Variants in PIERCE2 observed in about 807,000 individuals in gnomAD.
The protein encoded by PIERCE2 is piercer of microtubule wall 2, also known as piercer of microtubule wall 2 protein.
the PIERCE2 span, among the ~76,000 whole-genome samples, chr15:55,409,154 C>A: frequency 6.6e-6 from 1 of 152,150 alleles, no homozygotes; most frequent in Non-Finnish European, 1.5e-5. Flanking sequence ...GCCTGTAATC[C>A]CAGCAATTTG....
chr15:55,417,971 G>C, the PIERCE2 span: 4 of 652,790 alleles, frequency 6.1e-6, no homozygotes, highest in South Asian at 7.0e-5. Context: ...AATTTCACAA[G>C]GTAATGTCAT....
the PIERCE2 span, among the ~76,000 whole-genome samples, chr15:55,416,105 T>C: frequency 2.9e-4 from 43 of 150,448 alleles, 1 homozygote; most frequent in African/African-American, 7.7e-4. Context: ...GTTATATATA[T>C]AGAGAGAGAG....
chr15:55,411,923 C>CA, the PIERCE2 span, among the ~76,000 whole-genome samples: 31,585 of 148,782 alleles, frequency 0.21, 4,123 homozygotes, highest in Middle Eastern at 0.32. Flanking sequence ...CTCCTTCTCA[C>CA]AAAAAAAAAT....
the PIERCE2 span, chr15:55,417,977 G>A: frequency 3.0e-6 from 2 of 674,548 alleles, no homozygotes; most frequent in East Asian, 2.9e-5. Context: ...ACAAGGTAAT[G>A]TCATCAGTTA....
the PIERCE2 span, among the ~76,000 whole-genome samples, chr15:55,413,101 T>C: frequency 6.6e-6 from 1 of 151,938 alleles, no homozygotes; most frequent in African/African-American, 2.4e-5. Flanking sequence ...ACCCCATCTC[T>C]ACTAAAAATA....
the PIERCE2 span, chr15:55,408,735 A>G: frequency 1.3e-6 from 2 of 1,516,310 alleles, no homozygotes; most frequent in Non-Finnish European, 1.8e-6. Context: ...ATGAAAACTG[A>G]CTTTGCCGAA....
chr15:55,413,929 G>A, the PIERCE2 span, among the ~76,000 whole-genome samples: 1 of 147,858 alleles, frequency 6.8e-6, no homozygotes, highest in Non-Finnish European at 1.5e-5. Flanking sequence ...ACGGAGTCTC[G>A]CTCTGTCGCC....
chr15:55,414,226 GAC>G, the PIERCE2 span, among the ~76,000 whole-genome samples: 1 of 139,140 alleles, frequency 7.2e-6, no homozygotes, highest in African/African-American at 2.7e-5. Flanking sequence ...TTTTTTTTGA[GAC>G]AGAGTTTCAC....
chr15:55,414,043 G>A, the PIERCE2 span, among the ~76,000 whole-genome samples: 1 of 151,094 alleles, frequency 6.6e-6, no homozygotes, highest in Non-Finnish European at 1.5e-5. Flanking sequence ...GACTACAGGC[G>A]CCCGCCACCA....
At chr15:55,409,617 C>A in the PIERCE2 span, among the ~76,000 whole-genome samples, 1 of 152,164 alleles carries the variant, frequency 6.6e-6, no homozygotes, top group South Asian at 2.1e-4. Flanking sequence ...TTTTGCTTTT[C>A]TATTAACTAT....
chr15:55,416,505 T>G, the PIERCE2 span, among the ~76,000 whole-genome samples: 1 of 152,308 alleles, frequency 6.6e-6, no homozygotes, highest in Admixed American at 6.5e-5. Flanking sequence ...ATATTTAATT[T>G]ACATATTACA....
the PIERCE2 span, chr15:55,418,157 C>T: frequency 6.4e-7 from 1 of 1,565,104 alleles, no homozygotes; most frequent in Non-Finnish European, 8.6e-7. Context: ...GTGGGTGGGA[C>T]TGAATTAAAT....
chr15:55,409,908 A>T, the PIERCE2 span, among the ~76,000 whole-genome samples: 1 of 152,216 alleles, frequency 6.6e-6, no homozygotes, highest in Non-Finnish European at 1.5e-5. Flanking sequence ...TACAATTTTA[A>T]TTAACCTTTT....
the PIERCE2 span, among the ~76,000 whole-genome samples, chr15:55,416,101 T>C: frequency 8.0e-5 from 12 of 149,138 alleles, no homozygotes; most frequent in Non-Finnish European, 1.5e-4. Context: ...CATTGTTATA[T>C]ATATAGAGAG....
the PIERCE2 span, chr15:55,418,107 T>C: frequency 6.3e-7 from 1 of 1,585,936 alleles, no homozygotes; most frequent in Admixed American, 1.9e-5. Flanking sequence ...AGGCCTGACA[T>C]TCAATGCCCT....
At chr15:55,416,757 G>A in the PIERCE2 span, among the ~76,000 whole-genome samples, 1,648 of 152,030 alleles carry the variant, frequency 0.011, 14 homozygotes, top group Non-Finnish European at 0.014. Context: ...TCAGGAGTTC[G>A]AGACCAGTCT....
At chr15:55,418,785 C>A in the PIERCE2 span, 1 of 419,298 alleles carries the variant, frequency 2.4e-6, no homozygotes, top group East Asian at 3.9e-5. Flanking sequence ...TGTTTTAGTC[C>A]ATGTAATCCA....
the PIERCE2 span, among the ~76,000 whole-genome samples, chr15:55,414,165 G>C: frequency 6.6e-6 from 1 of 151,232 alleles, no homozygotes; most frequent in Non-Finnish European, 1.5e-5. Flanking sequence ...CCAAAGTGCT[G>C]GGATTACAAG....
At chr15:55,408,804 G>T in the PIERCE2 span, 2 of 1,512,440 alleles carry the variant, frequency 1.3e-6, no homozygotes, top group Non-Finnish European at 1.8e-6. Flanking sequence ...TAGGCAGAGG[G>T]CTAGATGTTT....
Sources: allele counts gnomAD v4.1 joint callset (sites outside exome capture counted in the v4.1 genomes callset), GRCh38; gene constraint gnomAD v4.1.1; transcripts MANE v1.5; gene names NCBI Gene and HGNC (gene_info 2026-07-23, HGNC 2026-07-21).